Variants in ZCCHC17 observed in about 807,000 individuals in gnomAD.
ZCCHC17 encodes the protein zinc finger CCHC domain-containing protein 17.
ZCCHC17 carries 18 observed loss-of-function variants against 30.6 expected under a neutral mutation model. The observed-to-expected ratio is 0.59, with a 90% CI of 0.41 to 0.87. ZCCHC17 has a LOEUF of 0.87. ZCCHC17 is among the 40% of genes least tolerant of loss of function. ZCCHC17 has a pLI of 0.00. For synonymous variants in ZCCHC17, 88 were observed against 92.4 expected (o/e 0.95, Z 0.27); for missense variants, 263 against 284.2 (o/e 0.93, Z 0.54).
intron 3 of ZCCHC17, 119 bp from the exon 4 acceptor site, chr1:31,337,056 T>C: frequency 1.2e-6 from 1 of 865,496 alleles, no homozygotes; most frequent in Non-Finnish European, 1.8e-6. Flanking sequence ...GTTTCACGCT[T>C]TTCAGTAAAA....
At chr1:31,313,051 G>A (rs1646643460) in intron 2 of ZCCHC17, among the ~76,000 whole-genome samples, 1 of 144,266 alleles carries the variant, frequency 6.9e-6, no homozygotes, top group South Asian at 2.2e-4. Flanking sequence ...ACAGGTGTGA[G>A]CCACCACACT....
rs538701605 is a variant in ZCCHC17 at position 31,360,481 on chromosome 1, C to T, written c.565-3551C>T. Reference sequence around the variant, plus strand: ...ACCGCAACCAGGCGAACTACAACTTCGGATGTGATTGTTCTTTTGTTCTGT... The same window carrying T: ...ACCGCAACCAGGCGAACTACAACTTTGGATGTGATTGTTCTTTTGTTCTGT... On this transcript the variant is annotated intron_variant, in intron 7 of 7. Coordinates refer to ENST00000344147, the MANE Select transcript of ZCCHC17 (RefSeq NM_016505.4). Among the ~76,000 whole-genome samples, 8 of 152,302 alleles carry T rather than the reference C, an allele frequency of 5.3e-5. No homozygotes were observed. The East Asian group carries it at 1.2e-3, about 22-fold the overall frequency.
At chr1:31,362,232 T>C (rs1025201416) in intron 7 of ZCCHC17, among the ~76,000 whole-genome samples, 1 of 152,254 alleles carries the variant, frequency 6.6e-6, no homozygotes, top group African/African-American at 2.4e-5. Flanking sequence ...CAGGTCTATC[T>C]AACACCTGCT....
intron 5 of ZCCHC17, among the ~76,000 whole-genome samples, chr1:31,345,100 G>GT (rs1362911869): frequency 1.3e-5 from 2 of 151,140 alleles, no homozygotes; most frequent in Non-Finnish European, 2.9e-5. Context: ...GGGGAGGCAG[G>GT]TAACTAGAAG....
intron 3 of ZCCHC17, among the ~76,000 whole-genome samples, chr1:31,334,561 A>G (rs1191417749): frequency 2.6e-5 from 4 of 152,154 alleles, no homozygotes; most frequent in Non-Finnish European, 5.9e-5. Context: ...TCGAAAATAA[A>G]TGAAAAGGTT....
At chr1:31,333,504 C>T (rs1638677419) in intron 3 of ZCCHC17, among the ~76,000 whole-genome samples, 1 of 152,034 alleles carries the variant, frequency 6.6e-6, no homozygotes. Context: ...GCCTGGGTGA[C>T]AGAGTGAGAC....
intron 3 of ZCCHC17, among the ~76,000 whole-genome samples, chr1:31,329,683 G>A (rs1036771874): frequency 6.6e-6 from 1 of 152,200 alleles, no homozygotes; most frequent in Non-Finnish European, 1.5e-5. Flanking sequence ...GTTTGGATGA[G>A]TCAGGGCATA....
chr1:31,316,180 C>A (rs112755072), intron 2 of ZCCHC17, among the ~76,000 whole-genome samples: 2 of 152,210 alleles, frequency 1.3e-5, no homozygotes, highest in African/African-American at 4.8e-5. Flanking sequence ...TGGCTCACTG[C>A]AACCATGACC....
At chr1:31,350,570 A>G (rs1169049967) in intron 7 of ZCCHC17, among the ~76,000 whole-genome samples, 1 of 151,308 alleles carries the variant, frequency 6.6e-6, no homozygotes, top group Non-Finnish European at 1.5e-5. Flanking sequence ...TGTGCTATTT[A>G]CTAGCTGTTA....
chr1:31,346,145 G>C (rs939475234), intron 5 of ZCCHC17, among the ~76,000 whole-genome samples: 1 of 152,138 alleles, frequency 6.6e-6, no homozygotes, highest in South Asian at 2.1e-4. Flanking sequence ...AGTCAAGTGG[G>C]GAAACAGAGC....
chr1:31,311,432 A>G (rs1185097948), intron 2 of ZCCHC17, among the ~76,000 whole-genome samples: 1 of 152,126 alleles, frequency 6.6e-6, no homozygotes, highest in African/African-American at 2.4e-5. Context: ...TCTCTTTAGG[A>G]TTTGTGCACA....
chr1:31,354,228 C>T (rs993897127), intron 7 of ZCCHC17, among the ~76,000 whole-genome samples: 2 of 151,372 alleles, frequency 1.3e-5, no homozygotes, highest in Admixed American at 1.3e-4. Flanking sequence ...AATTTTTTTT[C>T]TGATTGCTCC....
chr1:31,364,887 G>C lies in ZCCHC17; in HGVS notation c.*694G>C, dbSNP rs2148492534. 1 of 152,324 alleles carries C rather than the reference G, an allele frequency of 6.6e-6. No homozygotes were observed. Among genetic ancestry groups the C allele is most frequent in the East Asian group, 1.9e-4 (1 of 5,186 alleles). The allele number at this position is 152,324 out of a possible 1,614,324, so 9.4% of individuals were successfully genotyped here. On this transcript the variant is annotated 3_prime_UTR_variant, in exon 8 of 8. Coordinates refer to ENST00000344147, the MANE Select transcript of ZCCHC17 (RefSeq NM_016505.4). ...GTGTGAATCAGTTGATTCTACTTCA[G>C]GTCCTTGCTTAAATTCCTGTCACTA...
At chr1:31,341,814 G>A (rs1027273736) in intron 5 of ZCCHC17, among the ~76,000 whole-genome samples, 1 of 152,180 alleles carries the variant, frequency 6.6e-6, no homozygotes, top group East Asian at 1.9e-4. Context: ...TTTGTAAGGA[G>A]CCAGCTTCAT....
rs757065298 is a variant in ZCCHC17, at chr1:31,318,258, A to G, written c.67-851A>G. 2.9e-4 allele frequency: 436 copies of G among 1,509,916 alleles called. 1 individual carries two copies. Among genetic ancestry groups the G allele is most frequent in the Non-Finnish European group, 3.3e-4 (367 of 1,126,060 alleles). The allele number at this position is 1,509,916 out of a possible 1,614,324, so 93.5% of individuals were successfully genotyped here. On this transcript the variant is annotated intron_variant, in intron 2 of 7. Transcript: ENST00000344147. Reference sequence around the variant, plus strand: ...TTATGTATGTAAGATTATATTGAATATTTTACAAATAATCATTTAGTGTTA... The same window carrying G: ...TTATGTATGTAAGATTATATTGAATGTTTTACAAATAATCATTTAGTGTTA...
Position 31,346,680 on chromosome 1 carries a change from G to C in ZCCHC17, c.358G>C (p.Gly120Arg). Residue 120 changes from glycine (G) to arginine (R), a missense_variant, in exon 6 of 8, where the codon GGG (glycine) becomes CGG (arginine). Gly to Arg is a moderately radical substitution (Grantham distance 125, BLOSUM62 -2). Coordinates refer to ENST00000344147, the MANE Select transcript of ZCCHC17 (RefSeq NM_016505.4). ...GAGGCGATCCTTCCAGGATTACACT[G>C]GGCAGAAGATCACCCTTGAGGCTGT... ...RRRRSFQDYT[G>R]QKITLEAVLN... 6.2e-7 allele frequency: 1 copy of C among 1,613,988 alleles called. No individual in the cohort carries two copies. Among genetic ancestry groups the C allele is most frequent in the Non-Finnish European group, 8.5e-7 (1 of 1,179,946 alleles).
At chr1:31,311,686 T>C (rs1321156054) in intron 2 of ZCCHC17, among the ~76,000 whole-genome samples, 3 of 152,202 alleles carry the variant, frequency 2.0e-5, no homozygotes, top group Non-Finnish European at 4.4e-5. Context: ...GAACTCACCC[T>C]TTCGAGCCCT....
At chr1:31,315,586 G>C (rs1646714239) in intron 2 of ZCCHC17, among the ~76,000 whole-genome samples, 1 of 152,116 alleles carries the variant, frequency 6.6e-6, no homozygotes, top group African/African-American at 2.4e-5. Context: ...TAAAAAAAAA[G>C]TCTGTGTTGT....
chr1:31,347,503 A>G (rs1639318090), intron 6 of ZCCHC17, among the ~76,000 whole-genome samples: 1 of 152,214 alleles, frequency 6.6e-6, no homozygotes, highest in Non-Finnish European at 1.5e-5. Flanking sequence ...AAATTGAGAG[A>G]AAGAATACCT....
Sources: allele counts gnomAD v4.1 joint callset (sites outside exome capture counted in the v4.1 genomes callset), GRCh38; gene constraint gnomAD v4.1.1; transcripts MANE v1.5; gene names NCBI Gene and HGNC (gene_info 2026-07-23, HGNC 2026-07-21).